Variants in DEAF1 observed in about 807,000 individuals in gnomAD.
The protein encoded by DEAF1 is deformed epidermal autoregulatory factor 1 homolog.
In DEAF1, 53 loss-of-function variants were observed where a neutral mutation model predicts 58.9. That is an observed-to-expected ratio of 0.90 (90% CI 0.72 to 1.13). The LOEUF (loss-of-function observed/expected upper bound fraction) is 1.13. Ranked by LOEUF, DEAF1 falls within the 50% of genes most tolerant of loss-of-function variation. DEAF1 has a pLI of 0.00. For missense variants in DEAF1, 685 were observed against 791.4 expected, an observed-to-expected ratio of 0.87 and a Z score of 1.61; for synonymous variants, 385 against 340.4, an observed-to-expected ratio of 1.13 and a Z score of -1.44.
chr11:686,831 G>C, intron 5 of DEAF1, 27 bp downstream of exon 5: 1 of 1,613,752 alleles, frequency 6.2e-7, no homozygotes, highest in Non-Finnish European at 8.5e-7. Flanking sequence ...ACTGTGTGCT[G>C]AGCACAGGTG....
At chr11:695,999 G>C (rs1861130616), upstream of DEAF1, among the ~76,000 whole-genome samples, 1 of 151,798 alleles carries the variant, frequency 6.6e-6, no homozygotes, top group African/African-American at 2.4e-5. Context: ...ATCGAGAAGC[G>C]CGGCCTGGCC....
At chr11:675,591 G>C (rs1860013521) in intron 9 of DEAF1, among the ~76,000 whole-genome samples, 2 of 152,196 alleles carry the variant, frequency 1.3e-5, no homozygotes, top group East Asian at 1.9e-4. Flanking sequence ...GGGAGGCCGA[G>C]GCGGGCAGAT....
In DEAF1 at chr11:654,196, T is replaced by C. The variant is rs779859025; in HGVS notation, c.1504-145A>G. 301 of 613,462 alleles carry C rather than the reference T, an allele frequency of 4.9e-4. 1 individual carries two copies. The highest frequency in any genetic ancestry group is 5.8e-4 in the South Asian group (33 of 56,776). 38.0% of individuals were successfully genotyped at this position (613,462 alleles called of 1,614,324 possible). ...TTTTTTTTTTTTTTTTGAGATGGAG[T>C]CTCACTCTGTCGCCCAGGCTGGAGT... On this transcript the variant is annotated intron_variant, in intron 10 of 11. Transcript: ENST00000382409.
rs1397958824 is a variant in DEAF1, at chr11:654,591, T to C, written c.1504-540A>G. On this transcript the variant is annotated intron_variant, in intron 10 of 11. Coordinates refer to ENST00000382409, the MANE Select transcript of DEAF1 (RefSeq NM_021008.4). ...ACATTCATTCACTGGAAGACCAGTATGGGCCGGGAGCAGCGGCTCATACCT... is the reference window on the plus strand; with the variant it reads ...ACATTCATTCACTGGAAGACCAGTACGGGCCGGGAGCAGCGGCTCATACCT... 1.3e-5 allele frequency: 6 copies of C among 454,698 alleles called. 1 individual carries two copies. Among genetic ancestry groups the C allele is most frequent in the African/African-American group, 1.2e-4 (6 of 49,300 alleles). 28.2% of individuals were successfully genotyped at this position (454,698 alleles called of 1,614,324 possible).
chr11:694,708 G>T, intron 1 of DEAF1, 51 bp downstream of exon 1: 1 of 1,273,630 alleles, frequency 7.9e-7, no homozygotes, highest in South Asian at 2.5e-5. Context: ...CAGGCGCGCG[G>T]GGTAGGCGCG....
At chr11:678,573 T>TA in intron 9 of DEAF1, 121 bp downstream of exon 9, 2 of 1,422,518 alleles carry the variant, frequency 1.4e-6, no homozygotes, top group Admixed American at 3.4e-5. Flanking sequence ...GCCACTGATC[T>TA]AATGCATCAA....
chr11:667,294 C>T (rs557894314), intron 10 of DEAF1, among the ~76,000 whole-genome samples: 12 of 146,294 alleles, frequency 8.2e-5, no homozygotes, highest in Admixed American at 2.8e-4. Flanking sequence ...TTCTTAGCCT[C>T]GGTGACAGAC....
upstream of DEAF1, among the ~76,000 whole-genome samples, chr11:696,837 T>C (rs908066926): frequency 3.5e-5 from 2 of 56,406 alleles, no homozygotes; most frequent in African/African-American, 1.2e-4. Context: ...CCCAGCACTT[T>C]GGGAGGCCAA....
At chr11:704,256 CT>C in intron 1 of DEAF1, 1 of 760,264 alleles carries the variant, frequency 1.3e-6, no homozygotes, top group Non-Finnish European at 1.8e-6. Context: ...TGCCGGGCGC[CT>C]TCCGCTCGGT....
At chr11:675,093 G>A (rs558992353) in intron 9 of DEAF1, among the ~76,000 whole-genome samples, 1 of 152,316 alleles carries the variant, frequency 6.6e-6, no homozygotes, top group South Asian at 2.1e-4. Context: ...GCTGAGGCAG[G>A]AGAAAGGTGT....
At chr11:649,557 TAA>T (rs1429269488) in intron 11 of DEAF1, among the ~76,000 whole-genome samples, 1 of 151,588 alleles carries the variant, frequency 6.6e-6, no homozygotes, top group African/African-American at 2.4e-5. Context: ...CTGTGTCTAC[TAA>T]AAGTACAAAA....
intron 8 of DEAF1, 118 bp from the exon 9 acceptor site, chr11:678,940 C>A: frequency 7.4e-7 from 1 of 1,353,466 alleles, no homozygotes; most frequent in South Asian, 1.4e-5. Flanking sequence ...CCACACGTGG[C>A]TACTGAGCCC....
intron 11 of DEAF1, chr11:646,337 T>C (rs1033745951): frequency 4.0e-5 from 6 of 150,724 alleles, no homozygotes; most frequent in Non-Finnish European, 8.8e-5. Context: ...ATCAGCAAAC[T>C]GCAGCATCGG....
chr11:700,912 G>C (rs1861425533), intron 1 of DEAF1: 1 of 609,338 alleles, frequency 1.6e-6, no homozygotes, highest in Non-Finnish European at 2.9e-6. Flanking sequence ...AACACTGGGG[G>C]CATCGTTGGG....
At chr11:687,314 G>A (rs935012071) in intron 4 of DEAF1, among the ~76,000 whole-genome samples, 2 of 152,246 alleles carry the variant, frequency 1.3e-5, no homozygotes, top group South Asian at 4.1e-4. Context: ...GGCAACTTGA[G>A]GAACACGTCC....
At position 644,297 on chromosome 11, in the gene DEAF1, T is replaced by C. The variant is rs1434058992; in HGVS notation, c.*253A>G. ...TATGTGCGTCGCAGCACAGGCCCTGTGGGCAAGACCGGACGCTCATGATCC... is the reference window on the plus strand; with the variant it reads ...TATGTGCGTCGCAGCACAGGCCCTGCGGGCAAGACCGGACGCTCATGATCC... On this transcript the variant is annotated 3_prime_UTR_variant, in exon 12 of 12. Transcript: ENST00000382409. This position sits in a 1 kb window ranked among gnomAD's most constrained non-coding sequence, Gnocchi z 4.3. 3 of 587,036 alleles carry C rather than the reference T, an allele frequency of 5.1e-6. No individual in the cohort carries two copies. The highest frequency in any genetic ancestry group is 1.9e-5 in the African/African-American group (1 of 53,668). 36.4% of individuals were successfully genotyped at this position (587,036 alleles called of 1,614,324 possible).
chr11:700,634 T>G, intron 1 of DEAF1: 1 of 1,614,106 alleles, frequency 6.2e-7, no homozygotes, highest in Non-Finnish European at 8.5e-7. Context: ...TCAGCTATCC[T>G]CACCGCTACC....
chr11:700,765 C>T, intron 1 of DEAF1: 1 of 1,447,318 alleles, frequency 6.9e-7, no homozygotes, highest in Non-Finnish European at 9.7e-7. Flanking sequence ...TCTGTTTCCA[C>T]AGCCTTTCAA....
chr11:665,147 G>C (rs1202568947), intron 10 of DEAF1, among the ~76,000 whole-genome samples: 20 of 104,878 alleles, frequency 1.9e-4, no homozygotes, highest in East Asian at 1.1e-3. Flanking sequence ...GTCACTCTAA[G>C]TAAGTCCTGG....
Sources: allele counts gnomAD v4.1 joint callset (sites outside exome capture counted in the v4.1 genomes callset), GRCh38; gene constraint gnomAD v4.1.1; non-coding constraint Gnocchi (gnomAD v3.1); transcripts MANE v1.5; gene names NCBI Gene and HGNC (gene_info 2026-07-23, HGNC 2026-07-21).